Variants in LAMA1 observed in about 807,000 individuals in gnomAD.
LAMA1 encodes laminin subunit alpha 1, also known as laminin subunit alpha-1.
A neutral mutation model predicts 348.7 loss-of-function variants in LAMA1; 219 were observed. The ratio of observed to expected loss-of-function variants is 0.63; its 90% CI spans 0.56 to 0.70. The LOEUF (loss-of-function observed/expected upper bound fraction) is 0.70. Among genes scored for constraint, LAMA1 ranks in the 30% least tolerant of loss-of-function variants. The probability of loss-of-function intolerance (pLI) is 0.00; values close to 1 mark genes in which losing one functional copy is unlikely to be tolerated. For synonymous variants in LAMA1, 1,487 were observed against 1,491.0 expected (o/e 1.00, Z 0.06); for missense variants, 3,744 against 3,888.0 (o/e 0.96, Z 0.99).
chr18:7,052,291 T>G (rs2143729023), intron 3 of LAMA1, among the ~76,000 whole-genome samples: 1 of 152,004 alleles, frequency 6.6e-6, no homozygotes, highest in South Asian at 2.1e-4. Flanking sequence ...ATTAGCTGCG[T>G]GTGGTGGCAG....
intron 18 of LAMA1, 44 bp from the exon 19 acceptor site, chr18:7,023,419 T>C: frequency 1.3e-6 from 2 of 1,535,978 alleles, no homozygotes; most frequent in Non-Finnish European, 9.0e-7. Context: ...TGCAGTTACT[T>C]AAGGCCTTAC....
chr18:7,080,154 C>G, intron 2 of LAMA1, 67 bp from the exon 3 acceptor site: 1 of 1,563,828 alleles, frequency 6.4e-7, no homozygotes, highest in Non-Finnish European at 8.8e-7. Flanking sequence ...AAGTTCTAAA[C>G]CGTAATGCTA....
At chr18:7,000,263 T>C (rs1396861877) in intron 30 of LAMA1, among the ~76,000 whole-genome samples, 1 of 152,148 alleles carries the variant, frequency 6.6e-6, no homozygotes, top group Non-Finnish European at 1.5e-5. Context: ...AGACTGACCT[T>C]AGGGATTATC....
chr18:7,034,412 T>C lies in LAMA1; in HGVS notation c.2051+67A>G, dbSNP rs1436997590. The C allele has an allele frequency of 2.2e-5, 25 of 1,141,874 alleles. No individual in the cohort carries two copies. In the East Asian group the frequency reaches 6.0e-4, roughly 27 times the overall value. The allele number at this position is 1,141,874 out of a possible 1,614,324, so 70.7% of individuals were successfully genotyped here. On this transcript the variant is annotated intron_variant, in intron 14 of 62. Transcript: ENST00000389658. ...TAAAATACGTTGAGCTTTAAATATA[T>C]ATGAATAAACAAACATAAAATGGAA... is the stretch of plus-strand genomic sequence containing the variant.
At chr18:7,042,370 A>C in intron 8 of LAMA1, 120 bp from the exon 9 acceptor site, 2 of 698,828 alleles carry the variant, frequency 2.9e-6, no homozygotes, top group Non-Finnish European at 5.3e-6. Flanking sequence ...GATTTTGTGC[A>C]TGGGGGTGGG....
At position 7,044,772 on chromosome 18, in the gene LAMA1, T is replaced by C. The variant is rs760110982; in HGVS notation, c.926A>G (p.His309Arg). The C allele has an allele frequency of 5.3e-5, 86 of 1,614,124 alleles. No individual in the cohort carries two copies. The highest frequency in any genetic ancestry group is 2.2e-4 in the East Asian group (10 of 44,888). ...GGTTCCCGGCCTCCAGGGCTGCTGA[T>C]GGTACCCAGGACAGCACCTGTTACA... Reference protein sequence around the residue: ...ESCNRCCPGYHQQPWRPGTVS... With the variant: ...ESCNRCCPGYRQQPWRPGTVS... Residue 309 changes from histidine to arginine, a missense_variant, in exon 7 of 63, where the codon CAT (histidine) becomes CGT (arginine). Physicochemically the swap from His to Arg is conservative, Grantham distance 29. Around this residue, in one of 3 missense-constraint regions of LAMA1, gnomAD observed 1,529 missense variants for 1,689.4 expected, o/e 0.91. Transcript: ENST00000389658.
Position 6,993,852 on chromosome 18 carries a change from GCAA to G in LAMA1, c.4897-103_4897-101del, listed in dbSNP as rs2057769135. ...AATATTCCACTGTTGCCGCTTATAA[GCAA>G]CAACATATATTCCAGAATATAGAGT... On this transcript the variant is annotated intron_variant, in intron 34 of 62. Transcript: ENST00000389658. 3.9e-6 allele frequency: 3 copies of G among 764,364 alleles called. No individual in the cohort carries two copies. In the Admixed American group the frequency reaches 5.4e-5, roughly 14 times the overall value. 47.3% of individuals were successfully genotyped at this position (764,364 alleles called of 1,614,324 possible). A position where few individuals can be genotyped will look rare whatever the true frequency, so the allele number is the denominator to read the frequency against.
At chr18:7,107,645 AT>A (rs985160076) in intron 1 of LAMA1, among the ~76,000 whole-genome samples, 16 of 152,262 alleles carry the variant, frequency 1.1e-4, no homozygotes, top group African/African-American at 3.9e-4. Context: ...GATCAAGTGC[AT>A]GAAAAAAAAT....
intron 1 of LAMA1, among the ~76,000 whole-genome samples, chr18:7,115,663 G>A (rs1400737970): frequency 6.8e-6 from 1 of 147,802 alleles, no homozygotes; most frequent in Non-Finnish European, 1.5e-5. Flanking sequence ...GCACAAAATC[G>A]TTTCTTAAAA....
intron 8 of LAMA1, 159 bp from the exon 9 acceptor site, chr18:7,042,409 C>A: frequency 1.6e-6 from 1 of 615,778 alleles, no homozygotes; most frequent in Admixed American, 2.5e-5. Context: ...TAAGATGATC[C>A]CAAGCCAGGA....
At chr18:7,069,287 C>CTT (rs992998428) in intron 3 of LAMA1, among the ~76,000 whole-genome samples, 2 of 152,190 alleles carry the variant, frequency 1.3e-5, no homozygotes, top group African/African-American at 4.8e-5. Flanking sequence ...ATTCAGCTCA[C>CTT]TTATCGTTAA....
intron 16 of LAMA1, among the ~76,000 whole-genome samples, chr18:7,028,140 GACA>G (rs940810414): frequency 1.3e-5 from 2 of 152,250 alleles, no homozygotes; most frequent in African/African-American, 4.8e-5. Flanking sequence ...TGAATTTGAA[GACA>G]ACAACAGAAA....
chr18:7,039,756 G>A (rs1408300179), intron 10 of LAMA1, among the ~76,000 whole-genome samples: 4 of 152,286 alleles, frequency 2.6e-5, no homozygotes, highest in South Asian at 2.1e-4. Flanking sequence ...CTGGTTTAAA[G>A]AAAGAAAACA....
At chr18:6,968,389 G>A (rs1282924212) in intron 48 of LAMA1, among the ~76,000 whole-genome samples, 1 of 152,166 alleles carries the variant, frequency 6.6e-6, no homozygotes, top group Non-Finnish European at 1.5e-5. Flanking sequence ...GCCCGGGCTT[G>A]GGATGCTGCT....
chr18:7,098,443 G>A (rs2058272972), intron 1 of LAMA1, among the ~76,000 whole-genome samples: 1 of 151,732 alleles, frequency 6.6e-6, no homozygotes, highest in Non-Finnish European at 1.5e-5. Flanking sequence ...TAGGAAGTGA[G>A]GAGCGTCCCT....
At chr18:6,981,570 A>G (rs2057711909) in intron 41 of LAMA1, among the ~76,000 whole-genome samples, 1 of 152,174 alleles carries the variant, frequency 6.6e-6, no homozygotes, top group Non-Finnish European at 1.5e-5. Flanking sequence ...CAATTTCACT[A>G]CCTATGAAGT....
chr18:7,045,877 C>CAAAAA (rs200030874), intron 6 of LAMA1, among the ~76,000 whole-genome samples: 10 of 149,530 alleles, frequency 6.7e-5, no homozygotes, highest in Admixed American at 6.7e-5. Flanking sequence ...GATTTAGCAC[C>CAAAAA]AAAAAAAACG....
At position 6,941,904 on chromosome 18, in the gene LAMA1, T is replaced by C. The variant is rs983486730; in HGVS notation, c.*175A>G. ...AATTCAATTTACATTTTAGACCATT[T>C]AATGGAGGTATTTGTTGCACATGTG... On this transcript the variant is annotated 3_prime_UTR_variant, in exon 63 of 63. Coordinates refer to ENST00000389658, the MANE Select transcript of LAMA1 (RefSeq NM_005559.4). 3.4e-5 allele frequency: 25 copies of C among 731,002 alleles called. No individual in the cohort carries two copies. Among genetic ancestry groups the C allele is most frequent in the Middle Eastern group, 3.9e-4 (1 of 2,542 alleles). 45.3% of individuals were successfully genotyped at this position (731,002 alleles called of 1,614,324 possible).
At chr18:7,116,277 C>T (rs534980573) in intron 1 of LAMA1, among the ~76,000 whole-genome samples, 1 of 152,322 alleles carries the variant, frequency 6.6e-6, no homozygotes, top group Non-Finnish European at 1.5e-5. Flanking sequence ...CTTTCTCTAC[C>T]CTGTGGGAAA....
Sources: gnomAD v4.1 joint callset for allele counts (sites outside exome capture counted in the v4.1 genomes callset) on GRCh38, gnomAD v4.1.1 for gene constraint, gnomAD v4.1.1 regional missense constraint, MANE v1.5 for transcripts, NCBI Gene and HGNC (gene_info 2026-07-23, HGNC 2026-07-21) for gene names.